Variants in INPP5D observed in about 807,000 individuals in gnomAD.
INPP5D encodes the protein inositol polyphosphate-5-phosphatase D.
A neutral mutation model predicts 122.9 loss-of-function variants in INPP5D; 33 were observed. That is an observed-to-expected ratio of 0.27 (90% confidence interval 0.20 to 0.36). INPP5D has a LOEUF of 0.36. Among genes scored for constraint, INPP5D ranks in the 10% least tolerant of loss-of-function variants. INPP5D has a pLI of 1.00. For missense variants in INPP5D, 1,053 were observed against 1,412.7 expected, an observed-to-expected ratio of 0.75 and a Z score of 4.08; for synonymous variants, 584 against 576.2, an observed-to-expected ratio of 1.01 and a Z score of -0.19.
intron 2 of INPP5D, among the ~76,000 whole-genome samples, chr2:233,085,280 G>A (rs774863144): frequency 2.0e-5 from 3 of 152,014 alleles, no homozygotes; most frequent in Non-Finnish European, 4.4e-5. Flanking sequence ...CAGCTACTCC[G>A]GAGGCTGAGG....
intron 17 of INPP5D, among the ~76,000 whole-genome samples, chr2:233,174,501 T>C (rs1694569105): frequency 6.6e-6 from 1 of 152,206 alleles, no homozygotes; most frequent in Non-Finnish European, 1.5e-5. Context: ...TGTTAAGAAG[T>C]AACTGTTTAG....
chr2:233,117,226 C>T (rs1158627773), intron 2 of INPP5D, among the ~76,000 whole-genome samples: 2 of 152,170 alleles, frequency 1.3e-5, no homozygotes, highest in African/African-American at 4.8e-5. Context: ...CATTAGGAAC[C>T]AAGGGCAGTC....
chr2:233,200,138 A>T (rs913312588), intron 25 of INPP5D, among the ~76,000 whole-genome samples: 4 of 152,232 alleles, frequency 2.6e-5, no homozygotes, highest in Non-Finnish European at 5.9e-5. Context: ...ATCTGAGTCT[A>T]GAACTGGTTC....
rs192998139 is a variant in INPP5D at position 233,114,024 on chromosome 2, C to T, written c.199-8083C>T. On this transcript the variant is annotated intron_variant, in intron 2 of 26. Transcript: ENST00000445964. ...CTCCCGGGTTCACGCCATTCTCCTG[C>T]TTCAGCCTCCCAAGTAGCTGGGACT... Among the ~76,000 whole-genome samples the T allele has an allele frequency of 1.3e-4, 20 of 151,930 alleles. No homozygotes were observed. In the East Asian group the frequency reaches 3.5e-3, roughly 27 times the overall value.
In INPP5D at chr2:233,100,373, T is replaced by G. The variant is rs1195165922; in HGVS notation, c.198+20975T>G. On this transcript the variant is annotated intron_variant, in intron 2 of 26. Transcript: ENST00000445964. This position sits in a 1 kb window ranked among gnomAD's most constrained non-coding sequence, Gnocchi z 5.3. ...TGGTGTGTTCCCAGTGACCTCCTGC[T>G]GGTTCCCAGGCCCAGCACCTGCTTT... 6.6e-6 allele frequency among the ~76,000 whole-genome samples: 1 copy of G among 152,226 alleles called. No homozygotes were observed. The highest frequency in any genetic ancestry group is 2.4e-5 in the African/African-American group (1 of 41,460).
rs1691030024 is a variant in INPP5D, at chr2:233,060,342, A to T, written c.-137A>T. The T allele has an allele frequency of 1.1e-6, 1 of 948,658 alleles. No homozygotes were observed. The allele number at this position is 948,658 out of a possible 1,614,324, so 58.8% of individuals were successfully genotyped here. On this transcript the variant is annotated 5_prime_UTR_variant, in exon 1 of 27. Coordinates refer to ENST00000445964, the MANE Select transcript of INPP5D (RefSeq NM_001017915.3). ...GAGCGCCTGAAACAGGAAGTCAGTC[A>T]GTTAAGCTGGTGGCAGCAGCCGAGG...
chr2:233,088,931 T>A (rs1162195434), intron 2 of INPP5D, among the ~76,000 whole-genome samples: 1 of 152,160 alleles, frequency 6.6e-6, no homozygotes, highest in African/African-American at 2.4e-5. Context: ...GCGAGGGTCA[T>A]GGAGGACAGA....
rs1691232957 is a variant in INPP5D, at chr2:233,066,561, G to T, written c.134+5949G>T. ...TCGTTGGGTTATTTTTTCAAATTGA[G>T]GTATAATTCATATTCCATACAGTCA... On this transcript the variant is annotated intron_variant, in intron 1 of 26. Transcript: ENST00000445964. Among the ~76,000 whole-genome samples the T allele has an allele frequency of 2.0e-5, 3 of 152,220 alleles. No individual in the cohort carries two copies. The South Asian group carries it at 6.2e-4, about 32-fold the overall frequency.
intron 5 of INPP5D, among the ~76,000 whole-genome samples, chr2:233,137,309 T>C (rs949127660): frequency 5.3e-5 from 8 of 152,062 alleles, no homozygotes; most frequent in Admixed American, 1.3e-4. Context: ...ACCATTTACA[T>C]AGATAACATT....
At chr2:233,173,410 C>A (rs1249790810) in intron 17 of INPP5D, among the ~76,000 whole-genome samples, 2 of 152,148 alleles carry the variant, frequency 1.3e-5, no homozygotes, top group East Asian at 1.9e-4. Flanking sequence ...TTTAAATTTT[C>A]TTTTTCCAAT....
rs764697637 is a variant in INPP5D, at chr2:233,170,072, G to T, written c.1699G>T (p.Asp567Tyr). The part of the protein sequence containing the change: ...MNILRFLALG[D>Y]KKLSPFNITH... ...CATTCTCCGGTTCCTGGCCCTGGGCGACAAGAAGCTGAGTCCCTTTAACAT... is the reference window on the plus strand; with the variant it reads ...CATTCTCCGGTTCCTGGCCCTGGGCTACAAGAAGCTGAGTCCCTTTAACAT... The change falls in exon 15 of 27, where the codon GAC becomes TAC. Residue 567 changes from aspartate (D) to tyrosine (Y), a missense_variant. Asp to Tyr is a radical substitution (Grantham distance 160, BLOSUM62 -3). Transcript: ENST00000445964. The surrounding 1 kb of genome is among the most constrained non-coding windows in gnomAD (Gnocchi z 4.5). The T allele has an allele frequency of 9.2e-5, 148 of 1,613,918 alleles. No homozygotes were observed. Among genetic ancestry groups the T allele is most frequent in the Non-Finnish European group, 1.1e-4 (129 of 1,179,900 alleles).
intron 5 of INPP5D, chr2:233,130,919 C>T: frequency 1.7e-6 from 1 of 601,956 alleles, no homozygotes; most frequent in Non-Finnish European, 3.1e-6. Flanking sequence ...GGTGGGAGGA[C>T]ATGGCCAGCC....
intron 22 of INPP5D, among the ~76,000 whole-genome samples, chr2:233,193,425 CAAT>C (rs1695102743): frequency 6.6e-6 from 1 of 152,114 alleles, no homozygotes; most frequent in South Asian, 2.1e-4. Flanking sequence ...ATACTGTTCC[CAAT>C]CCGTTTCCTT....
chr2:233,087,837 A>G (rs1389844364), intron 2 of INPP5D, among the ~76,000 whole-genome samples: 1 of 152,142 alleles, frequency 6.6e-6, no homozygotes, highest in African/African-American at 2.4e-5. Flanking sequence ...TGTCCTCCAC[A>G]GGATCCGCCG....
intron 25 of INPP5D, among the ~76,000 whole-genome samples, chr2:233,200,710 G>T (rs1695308783): frequency 6.6e-6 from 1 of 152,176 alleles, no homozygotes; most frequent in Non-Finnish European, 1.5e-5. Context: ...TGTAATCCCA[G>T]CACTTTGGGA....
At chr2:233,186,195 C>T (rs932509300) in intron 21 of INPP5D, among the ~76,000 whole-genome samples, 2 of 152,188 alleles carry the variant, frequency 1.3e-5, no homozygotes, top group African/African-American at 2.4e-5. Flanking sequence ...GCTCGTCTAA[C>T]CACATGATTT....
chr2:233,138,023 G>GTAATGAGATTATATTATATTAAT (rs1693539267), intron 5 of INPP5D, among the ~76,000 whole-genome samples: 2 of 145,622 alleles, frequency 1.4e-5, no homozygotes, highest in Admixed American at 1.4e-4. Context: ...TATTAATAAT[G>GTAATGAGATTATATTATATTAAT]TAATGAGAAA....
chr2:233,083,826 AG>A (rs1316652310), intron 2 of INPP5D, among the ~76,000 whole-genome samples: 1 of 152,174 alleles, frequency 6.6e-6, no homozygotes, highest in African/African-American at 2.4e-5. Context: ...CTAGGGCCAC[AG>A]TTGAAGCAAA....
Position 233,188,923 on chromosome 2 carries a change from C to T in INPP5D, c.2359-927C>T, listed in dbSNP as rs531728319. Among the ~76,000 whole-genome samples, 53 of 152,242 alleles carry T rather than the reference C, an allele frequency of 3.5e-4. No homozygotes were observed. Among genetic ancestry groups the T allele is most frequent in the African/African-American group, 1.1e-3 (47 of 41,540 alleles). Reference sequence around the variant, plus strand: ...CTGTTGGCCAACATGGTGCCCAGAGCCCTGTACCAGGAGCCTTTTGGTGTC... The same window carrying T: ...CTGTTGGCCAACATGGTGCCCAGAGTCCTGTACCAGGAGCCTTTTGGTGTC... On this transcript the variant is annotated intron_variant, in intron 21 of 26. Transcript: ENST00000445964. This position sits in a 1 kb window ranked among gnomAD's most constrained non-coding sequence, Gnocchi z 4.7.
Sources: gnomAD v4.1 joint callset for allele counts (sites outside exome capture counted in the v4.1 genomes callset) on GRCh38, gnomAD v4.1.1 for gene constraint, Gnocchi (gnomAD v3.1) non-coding constraint, MANE v1.5 for transcripts, NCBI Gene and HGNC (gene_info 2026-07-23, HGNC 2026-07-21) for gene names.